The following CSMD1 variants were observed in gnomAD, a reference collection of about 807,000 sequenced individuals.
CSMD1 encodes the protein CUB and sushi domain-containing protein 1.
A neutral mutation model predicts 417.5 loss-of-function variants in CSMD1; 213 were observed. That is an observed-to-expected ratio of 0.51 (90% CI 0.46 to 0.57). The LOEUF is 0.57. CSMD1 is among the 20% of genes least tolerant of loss of function. The probability of loss-of-function intolerance (pLI) is 0.00; values close to 1 mark genes in which losing one functional copy is unlikely to be tolerated. For missense variants in CSMD1, 6,923 were observed against 4,529.7 expected, an observed-to-expected ratio of 1.53 and a Z score of -15.17; for synonymous variants, 2,862 against 1,736.8, an observed-to-expected ratio of 1.65 and a Z score of -16.11.
intron 3 of CSMD1, among the ~76,000 whole-genome samples, chr8:4,041,394 T>C (rs1391557931): frequency 2.6e-5 from 4 of 152,184 alleles, no homozygotes; most frequent in South Asian, 2.1e-4. Flanking sequence ...AATTGTTAAA[T>C]GCAAATCAAG....
At chr8:4,939,368 T>A (rs1807829771) in intron 1 of CSMD1, among the ~76,000 whole-genome samples, 1 of 152,202 alleles carries the variant, frequency 6.6e-6, no homozygotes, top group Non-Finnish European at 1.5e-5. Flanking sequence ...GCAGCACTAT[T>A]CATTAATAGC....
intron 5 of CSMD1, among the ~76,000 whole-genome samples, chr8:3,947,015 C>G (rs1811273207): frequency 6.6e-6 from 1 of 152,108 alleles, no homozygotes; most frequent in East Asian, 1.9e-4. Context: ...TTTCTAATCT[C>G]TATGTCTGTA....
At chr8:4,836,580 G>A (rs577144660) in intron 1 of CSMD1, among the ~76,000 whole-genome samples, 1 of 152,158 alleles carries the variant, frequency 6.6e-6, no homozygotes, top group Non-Finnish European at 1.5e-5. Flanking sequence ...TTATGAATAA[G>A]TTTTGATTAG....
At chr8:3,454,008 C>CAT (rs1401433827) in intron 12 of CSMD1, among the ~76,000 whole-genome samples, 4 of 152,076 alleles carry the variant, frequency 2.6e-5, no homozygotes, top group African/African-American at 9.7e-5. Context: ...GTATTGGGTG[C>CAT]ATATATATTT....
chr8:4,946,212 T>G (rs1159504199), intron 1 of CSMD1, among the ~76,000 whole-genome samples: 1 of 152,234 alleles, frequency 6.6e-6, no homozygotes, highest in African/African-American at 2.4e-5. Flanking sequence ...ACTTAATTTA[T>G]GGATCTAAAT....
intron 2 of CSMD1, among the ~76,000 whole-genome samples, chr8:4,609,139 C>A (rs1202469057): frequency 6.6e-6 from 1 of 152,168 alleles, no homozygotes; most frequent in Non-Finnish European, 1.5e-5. Flanking sequence ...CTGGCTCATG[C>A]ATGTAATCCC....
intron 1 of CSMD1, among the ~76,000 whole-genome samples, chr8:4,946,724 T>G (rs4875418): frequency 0.51 from 77,188 of 152,006 alleles, 20,858 homozygotes; most frequent in East Asian, 0.79. Flanking sequence ...ATATGTGTAG[T>G]TGGTGTACAG....
chr8:4,597,162 T>A (rs1800329396), intron 2 of CSMD1, among the ~76,000 whole-genome samples: 1 of 152,104 alleles, frequency 6.6e-6, no homozygotes, highest in Non-Finnish European at 1.5e-5. Flanking sequence ...CTCTCCTCAG[T>A]CAAAACTTTG....
At chr8:4,171,353 C>T (rs1262994757) in intron 3 of CSMD1, among the ~76,000 whole-genome samples, 2 of 151,844 alleles carry the variant, frequency 1.3e-5, no homozygotes, top group African/African-American at 4.9e-5. Context: ...CAACTCCTTA[C>T]CTTCCTTGAA....
chr8:4,598,331 A>G (rs1366499706), intron 2 of CSMD1, among the ~76,000 whole-genome samples: 2 of 152,166 alleles, frequency 1.3e-5, no homozygotes, highest in Non-Finnish European at 2.9e-5. Flanking sequence ...AGCAGTCTAA[A>G]CAGCTGAAAA....
intron 4 of CSMD1, among the ~76,000 whole-genome samples, chr8:4,029,440 C>G (rs1055230779): frequency 1.3e-5 from 2 of 152,158 alleles, no homozygotes; most frequent in Non-Finnish European, 2.9e-5. Flanking sequence ...ATATGGATAG[C>G]AGCAGGCAAA....
In CSMD1 at chr8:4,302,231, A is replaced by G. The variant is rs555486416; in HGVS notation, c.415+117722T>C. ...TTTAAATAGATGCAATGAAGGCCCA[A>G]AAGAAAAATGTAGTGTTTTAGGTGA... On this transcript the variant is annotated intron_variant, in intron 3 of 69. Coordinates refer to ENST00000635120, the MANE Select transcript of CSMD1 (RefSeq NM_033225.6). 7.9e-5 allele frequency among the ~76,000 whole-genome samples: 12 copies of G among 152,336 alleles called. No individual in the cohort carries two copies. The South Asian group carries it at 2.5e-3, about 32-fold the overall frequency.
At chr8:3,067,727 A>G (rs1813035268) in intron 49 of CSMD1, among the ~76,000 whole-genome samples, 1 of 151,628 alleles carries the variant, frequency 6.6e-6, no homozygotes, top group Non-Finnish European at 1.5e-5. Flanking sequence ...GGTTTTAACA[A>G]TTATAGTTTA....
intron 6 of CSMD1, among the ~76,000 whole-genome samples, chr8:3,744,935 C>T (rs1435831968): frequency 3.3e-5 from 5 of 152,164 alleles, no homozygotes; most frequent in Admixed American, 6.5e-5. Context: ...ACTGAGGTTT[C>T]TAAGGGCTTT....
chr8:3,059,620 G>A (rs1175193341), intron 49 of CSMD1, among the ~76,000 whole-genome samples: 1 of 152,090 alleles, frequency 6.6e-6, no homozygotes, highest in Non-Finnish European at 1.5e-5. Context: ...ACTCATTTGT[G>A]ACCTGATAAA....
At chr8:4,675,293 GC>G (rs1158859154) in intron 1 of CSMD1, among the ~76,000 whole-genome samples, 1 of 152,136 alleles carries the variant, frequency 6.6e-6, no homozygotes, top group Non-Finnish European at 1.5e-5. Context: ...CATTGTTGGA[GC>G]CTAAAGAGAG....
chr8:3,346,754 T>C (rs901388382), intron 22 of CSMD1, among the ~76,000 whole-genome samples: 1 of 152,242 alleles, frequency 6.6e-6, no homozygotes, highest in African/African-American at 2.4e-5. Flanking sequence ...GTTGGCTTTC[T>C]GCATATTCTC....
rs1808153867 is a variant in CSMD1 at position 4,943,426 on chromosome 8, G to A, written c.85+50906C>T. ...CAGGAGAATGGCGTGAACCCGGGAGGCGGAGCTTGCAGTGAGCTGAGGTCG... is the reference window on the plus strand; with the variant it reads ...CAGGAGAATGGCGTGAACCCGGGAGACGGAGCTTGCAGTGAGCTGAGGTCG... On this transcript the variant is annotated intron_variant, in intron 1 of 69. Coordinates refer to ENST00000635120, the MANE Select transcript of CSMD1 (RefSeq NM_033225.6). Among the ~76,000 whole-genome samples the A allele has an allele frequency of 4.6e-5, 7 of 151,980 alleles. No homozygotes were observed. In the South Asian group the frequency reaches 1.5e-3, roughly 32 times the overall value.
intron 3 of CSMD1, among the ~76,000 whole-genome samples, chr8:4,118,647 G>A (rs1273045106): frequency 3.3e-5 from 5 of 152,274 alleles, no homozygotes; most frequent in African/African-American, 7.2e-5. Context: ...GTTGATGGGT[G>A]TGTAAATTAG....
Sources: gnomAD v4.1 joint callset for allele counts (sites outside exome capture counted in the v4.1 genomes callset) on GRCh38, gnomAD v4.1.1 for gene constraint, MANE v1.5 for transcripts, NCBI Gene and HGNC (gene_info 2026-07-23, HGNC 2026-07-21) for gene names.